ZNF83: variants seen among roughly 807,000 people sequenced by gnomAD.
ZNF83 encodes the protein zinc finger protein 83.
For missense variants in ZNF83, 552 were observed against 629.9 expected (o/e 0.88, Z 1.32); for synonymous variants, 209 against 213.0 (o/e 0.98, Z 0.17).
chr19:52,637,186 A>G (rs925656041), intron 1 of ZNF83: 1 of 151,694 alleles, frequency 6.6e-6, no homozygotes, highest in Middle Eastern at 3.4e-3. Flanking sequence ...CTTCTCCCCA[A>G]TCGTTCTATC....
At chr19:52,613,004 C>T in exon 3 of ZNF83, 1 of 1,570,836 alleles carries the variant, frequency 6.4e-7, no homozygotes, top group Non-Finnish European at 8.6e-7. Context: ...TAACTGAACA[C>T]TCTGCCACAT....
chr19:52,613,758 G>T, exon 3 of ZNF83: 1 of 1,398,528 alleles, frequency 7.2e-7, no homozygotes, highest in Non-Finnish European at 9.3e-7. Context: ...TATGATGGAA[G>T]ACCTTTCCAC....
chr19:52,629,420 G>A (rs181984277), intron 2 of ZNF83, among the ~76,000 whole-genome samples: 56 of 151,750 alleles, frequency 3.7e-4, no homozygotes, highest in African/African-American at 9.0e-4. Flanking sequence ...TTTTCTACAG[G>A]CCCATCTGAA....
At chr19:52,690,027 T>C (rs529747279) in intron 1 of ZNF83, among the ~76,000 whole-genome samples, 31 of 152,016 alleles carry the variant, frequency 2.0e-4, no homozygotes, top group African/African-American at 3.9e-4. Context: ...ATCCCAGGAC[T>C]AGGCAGAGGA....
intron 1 of ZNF83, among the ~76,000 whole-genome samples, chr19:52,670,541 C>T (rs2061711642): frequency 6.6e-6 from 1 of 152,224 alleles, no homozygotes; most frequent in South Asian, 2.1e-4. Context: ...AGCACCGAAA[C>T]TTTATTTACA....
chr19:52,653,953 T>C, intron 3 of ZNF83: 1 of 1,227,132 alleles, frequency 8.1e-7, no homozygotes, highest in Non-Finnish European at 1.2e-6. Flanking sequence ...TAATGAAGAA[T>C]GGAGAAAGTT....
At chr19:52,613,297 T>C (rs1370507376) in exon 3 of ZNF83, 2 of 1,614,172 alleles carry the variant, frequency 1.2e-6, no homozygotes, top group Non-Finnish European at 1.7e-6. Context: ...TTCTCCAGTA[T>C]GAATTCTCCA....
At chr19:52,631,389 A>C (rs932448746) in intron 2 of ZNF83, among the ~76,000 whole-genome samples, 1 of 152,134 alleles carries the variant, frequency 6.6e-6, no homozygotes, top group Non-Finnish European at 1.5e-5. Context: ...ACTTGACCTT[A>C]CTGTTTTAGG....
At chr19:52,631,971 T>G (rs2060983960) in intron 2 of ZNF83, among the ~76,000 whole-genome samples, 1 of 139,768 alleles carries the variant, frequency 7.2e-6, no homozygotes. Context: ...GCTCGAGGAT[T>G]TGCCCCCACC....
intron 1 of ZNF83, among the ~76,000 whole-genome samples, chr19:52,684,634 G>C (rs1353406712): frequency 1.3e-5 from 2 of 151,752 alleles, no homozygotes; most frequent in Admixed American, 1.3e-4. Context: ...ACGTGATAGA[G>C]ACTGGTGGGC....
intron 3 of ZNF83, among the ~76,000 whole-genome samples, chr19:52,645,956 G>A (rs1313431891): frequency 6.6e-6 from 1 of 152,084 alleles, no homozygotes; most frequent in Non-Finnish European, 1.5e-5. Flanking sequence ...GCTTGTTTTT[G>A]TGAGATGGAG....
At chr19:52,648,809 AG>A (rs1348504874) in intron 3 of ZNF83, among the ~76,000 whole-genome samples, 1 of 152,168 alleles carries the variant, frequency 6.6e-6, no homozygotes, top group East Asian at 1.9e-4. Context: ...TGCCTGCTCT[AG>A]TCACTACGGA....
chr19:52,619,254 CTT>C (rs1190773949), intron 2 of ZNF83, among the ~76,000 whole-genome samples: 1 of 152,176 alleles, frequency 6.6e-6, no homozygotes, highest in Non-Finnish European at 1.5e-5. Flanking sequence ...ATAATACCCT[CTT>C]GTTATAAATT....
At chr19:52,681,654 A>T (rs2061923118) in intron 1 of ZNF83, among the ~76,000 whole-genome samples, 1 of 152,214 alleles carries the variant, frequency 6.6e-6, no homozygotes, top group African/African-American at 2.4e-5. Flanking sequence ...TGTCAACACA[A>T]GCACTGAATC....
At chr19:52,687,586 A>AAT (rs1381055819) in intron 1 of ZNF83, among the ~76,000 whole-genome samples, 430 of 39,260 alleles carry the variant, frequency 0.011, 10 homozygotes, top group African/African-American at 0.087. Context: ...TTTTATATAT[A>AAT]TATATATATA....
chr19:52,626,646 G>C (rs2060747617), intron 2 of ZNF83, among the ~76,000 whole-genome samples: 1 of 151,938 alleles, frequency 6.6e-6, no homozygotes, highest in Admixed American at 6.6e-5. Context: ...CATTCTATAT[G>C]ACAAATGCTA....
At chr19:52,629,658 T>C (rs991641513) in intron 2 of ZNF83, among the ~76,000 whole-genome samples, 2 of 152,168 alleles carry the variant, frequency 1.3e-5, no homozygotes, top group African/African-American at 4.8e-5. Flanking sequence ...CCTTTTTCTT[T>C]ATTCCAAATC....
intron 1 of ZNF83, among the ~76,000 whole-genome samples, chr19:52,666,335 A>G (rs1326579352): frequency 6.6e-6 from 1 of 152,102 alleles, no homozygotes; most frequent in Non-Finnish European, 1.5e-5. Flanking sequence ...AAGCCAGGGT[A>G]AATTTAAAAC....
chr19:52,624,822 C>T (rs1209755302), intron 2 of ZNF83, among the ~76,000 whole-genome samples: 4 of 152,182 alleles, frequency 2.6e-5, no homozygotes, highest in African/African-American at 2.4e-5. Context: ...TCACTCTCCA[C>T]ATTTCTCATA....
Sources: allele counts gnomAD v4.1 joint callset (sites outside exome capture counted in the v4.1 genomes callset), GRCh38; gene constraint gnomAD v4.1.1; transcripts MANE v1.5; gene names NCBI Gene and HGNC (gene_info 2026-07-23, HGNC 2026-07-21).